Variants in MID1 observed in about 807,000 individuals in gnomAD.
MID1 encodes midline 1.
A neutral mutation model predicts 40.4 loss-of-function variants in MID1; 7 were observed. That is an observed-to-expected ratio of 0.17 (90% CI 0.10 to 0.33). The LOEUF is 0.33. MID1 is among the 10% of genes least tolerant of loss of function. The pLI is 1.00. For synonymous variants in MID1, 229 were observed against 221.2 expected, an observed-to-expected ratio of 1.04 and a Z score of -0.31; for missense variants, 367 against 558.5, an observed-to-expected ratio of 0.66 and a Z score of 3.46.
intron 2 of MID1, among the ~76,000 whole-genome samples, chrX:10,558,459 C>G (rs1225836725): frequency 8.8e-6 from 1 of 113,259 alleles, no homozygotes; most frequent in Non-Finnish European, 1.9e-5. Context: ...ACATGTCCAT[C>G]AACAAGTGTT....
intron 1 of MID1, among the ~76,000 whole-genome samples, chrX:10,660,653 C>T (rs1274736739): frequency 9.0e-6 from 1 of 111,101 alleles, no homozygotes; most frequent in Non-Finnish European, 1.9e-5. Context: ...TTTTTTTTTC[C>T]GGGCTGCTGG....
At chrX:10,481,617 T>G (rs750693673) in intron 5 of MID1, among the ~76,000 whole-genome samples, 1 of 110,857 alleles carries the variant, frequency 9.0e-6, no homozygotes, top group East Asian at 2.8e-4. Context: ...TTTTTGTATT[T>G]TTTTTTTTAG....
At chrX:10,553,436 T>A (rs1733603222) in intron 2 of MID1, among the ~76,000 whole-genome samples, 1 of 111,327 alleles carries the variant, frequency 9.0e-6, no homozygotes, top group Admixed American at 9.6e-5. Context: ...GATCAAAAAG[T>A]TTTATTATTG....
At chrX:10,786,038 G>A (rs1406083858) in intron 1 of MID1, among the ~76,000 whole-genome samples, 5 of 111,207 alleles carry the variant, frequency 4.5e-5, no homozygotes, top group African/African-American at 6.6e-5. Flanking sequence ...GCAACCTACA[G>A]AATGGGAGAA....
At chrX:10,750,611 A>G (rs2043591092) in intron 1 of MID1, among the ~76,000 whole-genome samples, 1 of 110,429 alleles carries the variant, frequency 9.1e-6, no homozygotes, top group Admixed American at 9.7e-5. Context: ...AGCCTGGGTG[A>G]TGGAGTGAGA....
rs1013120927 is a variant in MID1, at chrX:10,562,109, G to T, written c.660+4779C>A. 1.3e-4 allele frequency among the ~76,000 whole-genome samples: 14 copies of T among 105,554 alleles called. 1 individual carries two copies. Among genetic ancestry groups the T allele is most frequent in the Non-Finnish European group, 2.1e-4 (11 of 52,519 alleles). 91.7% of individuals were successfully genotyped at this position (105,554 alleles called of 115,157 possible). A position where few individuals can be genotyped will look rare whatever the true frequency, so the allele number is the denominator to read the frequency against. ...GCTGGAACCCATCATTCTCAGCAAA[G>T]TAACACAGAAACAGAAAACCAAACA... On this transcript the variant is annotated intron_variant, in intron 2 of 9. Coordinates refer to ENST00000317552, the MANE Select transcript of MID1 (RefSeq NM_000381.4).
intron 1 of MID1, among the ~76,000 whole-genome samples, chrX:10,677,220 T>TA (rs1470241616): frequency 1.8e-5 from 2 of 111,253 alleles, no homozygotes; most frequent in Admixed American, 1.9e-4. Flanking sequence ...TTCATTTTTT[T>TA]AAAAATCATG....
chrX:10,613,728 TATATAGAGAGAG>T (rs763861456), intron 1 of MID1, among the ~76,000 whole-genome samples: 12 of 40,060 alleles, frequency 3.0e-4, no homozygotes, highest in Non-Finnish European at 4.9e-4. Flanking sequence ...TATATATATA[TATATAGAGAGAG>T]AGAGAGAGAG....
intron 1 of MID1, among the ~76,000 whole-genome samples, chrX:10,677,061 C>G (rs929003512): frequency 1.2e-4 from 13 of 111,791 alleles, no homozygotes; most frequent in African/African-American, 3.3e-4. Flanking sequence ...ATTTTAAGAG[C>G]CCTTGACAAT....
chrX:10,492,433 A>T (rs1222243806), intron 4 of MID1, among the ~76,000 whole-genome samples: 2 of 111,736 alleles, frequency 1.8e-5, no homozygotes, highest in Non-Finnish European at 3.8e-5. Context: ...GTCATTATTC[A>T]GGAATCCCAT....
intron 3 of MID1, among the ~76,000 whole-genome samples, chrX:10,508,968 C>T (rs1464658940): frequency 9.0e-6 from 1 of 111,493 alleles, no homozygotes; most frequent in East Asian, 2.8e-4. Context: ...TTCTAATTGA[C>T]TCCCTTTGTA....
At chrX:10,551,511 G>A (rs1429264766) in intron 2 of MID1, among the ~76,000 whole-genome samples, 1 of 111,820 alleles carries the variant, frequency 8.9e-6, no homozygotes, top group Non-Finnish European at 1.9e-5. Flanking sequence ...TTGAAAGAAT[G>A]GCTGGTGGGC....
rs143130455 is a variant in MID1, at chrX:10,738,064, C to T, written c.-187+95490G>A. Among the ~76,000 whole-genome samples the T allele has an allele frequency of 5.8e-3, 640 of 111,150 alleles. 5 individuals carry two copies. The highest frequency in any genetic ancestry group is 0.019 in the African/African-American group (580 of 30,573). On this transcript the variant is annotated intron_variant, in intron 1 of 10. Coordinates refer to the MID1 transcript ENST00000380785. ...GGTTGGGTACCCCTGTCATCAGTCC[C>T]GGGGGCTGGTCCTCTCGAGAAATGC...
chrX:10,669,013 A>G (rs1038853635), intron 1 of MID1, among the ~76,000 whole-genome samples: 2 of 108,371 alleles, frequency 1.8e-5, no homozygotes, highest in Non-Finnish European at 3.8e-5. Flanking sequence ...AGGTCAGGAG[A>G]TCGAGACCAT....
At chrX:10,754,299 GT>G (rs1268373586) in intron 1 of MID1, among the ~76,000 whole-genome samples, 10 of 102,177 alleles carry the variant, frequency 9.8e-5, no homozygotes, top group Non-Finnish European at 1.5e-4. Flanking sequence ...AGACAAGAGA[GT>G]TTTTTTTTGT....
intron 1 of MID1, among the ~76,000 whole-genome samples, chrX:10,674,078 T>G (rs902375866): frequency 8.9e-6 from 1 of 112,179 alleles, no homozygotes; most frequent in Non-Finnish European, 1.9e-5. Flanking sequence ...ATTTATAAGC[T>G]CTAAAGATTA....
At chrX:10,561,539 CCAT>C (rs1388407066) in intron 2 of MID1, among the ~76,000 whole-genome samples, 2 of 106,531 alleles carry the variant, frequency 1.9e-5, no homozygotes, top group Non-Finnish European at 3.8e-5. Flanking sequence ...TCAAACAACC[CCAT>C]CAAAAAGTGG....
intron 1 of MID1, among the ~76,000 whole-genome samples, chrX:10,814,822 T>A (rs911946687): frequency 8.9e-6 from 1 of 111,985 alleles, no homozygotes; most frequent in African/African-American, 3.2e-5. Flanking sequence ...GACACTGACT[T>A]TTCATTCAGA....
intron 3 of MID1, chrX:10,501,681 C>T (rs1931550687): frequency 1.8e-6 from 1 of 544,252 alleles, no homozygotes; most frequent in East Asian, 3.7e-5. Flanking sequence ...TTCATTAATG[C>T]TCATATCTGC....
Sources: gnomAD v4.1 joint callset for allele counts (sites outside exome capture counted in the v4.1 genomes callset) on GRCh38, gnomAD v4.1.1 for gene constraint, MANE v1.5 for transcripts, NCBI Gene and HGNC (gene_info 2026-07-23, HGNC 2026-07-21) for gene names.